The following LHFPL6 variants were observed in gnomAD, a reference collection of about 807,000 sequenced individuals.
LHFPL6 encodes LHFPL tetraspan subfamily member 6.
LHFPL6 carries 9 observed loss-of-function variants against 20.6 expected under a neutral mutation model. The observed-to-expected ratio is 0.44, with a 90% confidence interval of 0.26 to 0.76. The LOEUF is 0.76. Ranked by LOEUF, LHFPL6 falls within the 30% of genes least tolerant of loss-of-function variation. The probability of loss-of-function intolerance (pLI) is 0.20; values close to 1 mark genes in which losing one functional copy is unlikely to be tolerated. For missense variants in LHFPL6, 218 were observed against 253.5 expected, an observed-to-expected ratio of 0.86 and a Z score of 0.95; for synonymous variants, 105 against 98.7, an observed-to-expected ratio of 1.06 and a Z score of -0.38.
intron 2 of LHFPL6, among the ~76,000 whole-genome samples, chr13:39,480,975 T>A (rs1398795643): frequency 6.6e-6 from 1 of 152,200 alleles, no homozygotes; most frequent in Non-Finnish European, 1.5e-5. Context: ...TTATATTCAT[T>A]AGCATGCAAA....
chr13:39,371,280 A>T (rs76250477), intron 3 of LHFPL6, among the ~76,000 whole-genome samples: 7,977 of 152,348 alleles, frequency 0.052, 363 homozygotes, highest in African/African-American at 0.12. Context: ...ATTAATTGAA[A>T]CACTACTTTT....
Position 39,533,779 on chromosome 13 carries a change from A to G in LHFPL6, c.385+67053T>C, listed in dbSNP as rs572995810. Among the ~76,000 whole-genome samples, 4 of 152,294 alleles carry G rather than the reference A, an allele frequency of 2.6e-5. No individual in the cohort carries two copies. The South Asian group carries it at 8.3e-4, about 32-fold the overall frequency. On this transcript the variant is annotated intron_variant, in intron 2 of 3. Coordinates refer to ENST00000379589, the MANE Select transcript of LHFPL6 (RefSeq NM_005780.3). The stretch of plus-strand genomic sequence containing the variant: ...ATTTCCATGTCTGAAGCAAGACAAT[A>G]ATGCTACAGATACTTACCAACTCCT...
chr13:39,489,649 G>A (rs1470299229), intron 2 of LHFPL6, among the ~76,000 whole-genome samples: 1 of 151,090 alleles, frequency 6.6e-6, no homozygotes, highest in East Asian at 2.0e-4. Flanking sequence ...CCACCTCCCA[G>A]GCTCAAGGGA....
intron 2 of LHFPL6, among the ~76,000 whole-genome samples, chr13:39,479,808 C>T (rs1868443477): frequency 6.6e-6 from 1 of 152,142 alleles, no homozygotes. Flanking sequence ...CTCTGTGTAG[C>T]TGAGTCAGAA....
chr13:39,514,498 TATC>T (rs1316622728), intron 2 of LHFPL6, among the ~76,000 whole-genome samples: 1 of 152,194 alleles, frequency 6.6e-6, no homozygotes, highest in Non-Finnish European at 1.5e-5. Context: ...AAAAGCAGCT[TATC>T]ATTCTGATCC....
rs187318086 is a variant in LHFPL6 at position 39,425,341 on chromosome 13, T to C, written c.386-46815A>G. The stretch of plus-strand genomic sequence containing the variant: ...TTGATAATGTCTGTGTTCTTTCCAG[T>C]GCTTGACTATTGCAAACAAAGCTGC... On this transcript the variant is annotated intron_variant, in intron 2 of 3. Coordinates refer to ENST00000379589, the MANE Select transcript of LHFPL6 (RefSeq NM_005780.3). Among the ~76,000 whole-genome samples the C allele has an allele frequency of 1.9e-4, 29 of 152,368 alleles. No individual in the cohort carries two copies. The East Asian group carries it at 5.2e-3, about 27-fold the overall frequency.
chr13:39,446,434 T>C (rs1230296518), intron 2 of LHFPL6, among the ~76,000 whole-genome samples: 3 of 152,186 alleles, frequency 2.0e-5, no homozygotes, highest in Non-Finnish European at 2.9e-5. Flanking sequence ...CAGCTATTGA[T>C]GAACTATGGT....
chr13:39,406,072 A>G (rs561724842), intron 2 of LHFPL6, among the ~76,000 whole-genome samples: 6 of 152,354 alleles, frequency 3.9e-5, no homozygotes, highest in African/African-American at 1.4e-4. Context: ...AAAATGAATA[A>G]GGATTCACAG....
intron 2 of LHFPL6, among the ~76,000 whole-genome samples, chr13:39,591,949 A>G (rs908729111): frequency 6.6e-6 from 1 of 152,176 alleles, no homozygotes; most frequent in African/African-American, 2.4e-5. Context: ...TACAAAAATT[A>G]GCCAGGCATG....
chr13:39,540,434 C>T (rs529578647), intron 2 of LHFPL6, among the ~76,000 whole-genome samples: 6 of 151,950 alleles, frequency 3.9e-5, no homozygotes, highest in Non-Finnish European at 7.4e-5. Flanking sequence ...TTATCCACCT[C>T]GGGACACAAT....
chr13:39,387,547 CAAAAAAAAA>C (rs141082421), intron 2 of LHFPL6, among the ~76,000 whole-genome samples: 2 of 87,954 alleles, frequency 2.3e-5, no homozygotes, highest in Non-Finnish European at 4.1e-5. Context: ...GACTGTCTCA[CAAAAAAAAA>C]AAAAAAAAAA....
intron 2 of LHFPL6, among the ~76,000 whole-genome samples, chr13:39,416,430 C>T (rs1871350604): frequency 6.6e-6 from 1 of 151,330 alleles, no homozygotes; most frequent in Admixed American, 6.6e-5. Context: ...AGTTCATTTA[C>T]TCTATGTTTT....
chr13:39,577,719 C>T (rs963651473), intron 2 of LHFPL6, among the ~76,000 whole-genome samples: 1 of 152,096 alleles, frequency 6.6e-6, no homozygotes, highest in African/African-American at 2.4e-5. Flanking sequence ...GCAACCTCCG[C>T]CTCCCAGGTT....
intron 2 of LHFPL6, among the ~76,000 whole-genome samples, chr13:39,462,727 C>A (rs1334350643): frequency 6.6e-6 from 1 of 152,126 alleles, no homozygotes; most frequent in South Asian, 2.1e-4. Context: ...ATGGCAGAGG[C>A]AAGAATCAAA....
At chr13:39,439,600 T>A (rs888834567) in intron 2 of LHFPL6, among the ~76,000 whole-genome samples, 1 of 152,170 alleles carries the variant, frequency 6.6e-6, no homozygotes, top group African/African-American at 2.4e-5. Flanking sequence ...AAATTATAAA[T>A]CTCAATGTTG....
intron 2 of LHFPL6, among the ~76,000 whole-genome samples, chr13:39,480,024 ACT>A (rs2138444325): frequency 6.6e-6 from 1 of 152,276 alleles, no homozygotes; most frequent in African/African-American, 2.4e-5. Flanking sequence ...ATTGTTGGAA[ACT>A]CTGCAAACAA....
intron 2 of LHFPL6, among the ~76,000 whole-genome samples, chr13:39,575,815 C>A (rs936156287): frequency 1.3e-5 from 2 of 152,148 alleles, no homozygotes; most frequent in African/African-American, 4.8e-5. Flanking sequence ...CACAGGACAG[C>A]CCTGGTGCAG....
chr13:39,483,631 G>A (rs1339171882), intron 2 of LHFPL6, among the ~76,000 whole-genome samples: 1 of 151,992 alleles, frequency 6.6e-6, no homozygotes, highest in Non-Finnish European at 1.5e-5. Context: ...AAATACTAAG[G>A]CAGTTTTCTT....
chr13:39,482,839 C>T (rs1331479754), intron 2 of LHFPL6, among the ~76,000 whole-genome samples: 1 of 152,062 alleles, frequency 6.6e-6, no homozygotes. Context: ...GTGGGTGATA[C>T]AAAAGATGAT....
Sources: gnomAD v4.1 joint callset for allele counts (sites outside exome capture counted in the v4.1 genomes callset) on GRCh38, gnomAD v4.1.1 for gene constraint, MANE v1.5 for transcripts, NCBI Gene and HGNC (gene_info 2026-07-23, HGNC 2026-07-21) for gene names.